RAD51B: variants seen among roughly 807,000 people sequenced by gnomAD.
RAD51B encodes DNA repair protein RAD51 homolog 2.
Under a neutral mutation model 42.2 loss-of-function variants are expected in RAD51B, and 38 were observed. That is an observed-to-expected ratio of 0.90 (90% CI 0.70 to 1.18). The LOEUF (loss-of-function observed/expected upper bound fraction) is 1.18. Among genes scored for constraint, RAD51B ranks in the 50% most tolerant of loss-of-function variants. RAD51B has a pLI of 0.00. For missense variants in RAD51B, 373 were observed against 400.7 expected (o/e 0.93, Z 0.59); for synonymous variants, 154 against 145.2 (o/e 1.06, Z -0.43).
rs184465303 is a variant in RAD51B, at chr14:67,931,065, A to T, written c.756+43861A>T. 8.9e-3 allele frequency among the ~76,000 whole-genome samples: 1,348 copies of T among 151,686 alleles called. 21 individuals are homozygous for T. Among genetic ancestry groups the T allele is most frequent in the African/African-American group, 0.031 (1,269 of 41,414 alleles). On this transcript the variant is annotated intron_variant, in intron 7 of 10. Transcript: ENST00000471583. ...CCTCCCAAGTAGCTGGGACTACAGGAGCCTGCCACCACGCCTGGCTAATTT... is the reference window on the plus strand; with the variant it reads ...CCTCCCAAGTAGCTGGGACTACAGGTGCCTGCCACCACGCCTGGCTAATTT...
chr14:67,926,837 C>T (rs1429458032), intron 7 of RAD51B, among the ~76,000 whole-genome samples: 1 of 152,148 alleles, frequency 6.6e-6, no homozygotes, highest in Non-Finnish European at 1.5e-5. Flanking sequence ...GCTGGAATTA[C>T]AGACGTGAGC....
intron 3 of RAD51B, among the ~76,000 whole-genome samples, chr14:67,832,021 C>A (rs1167936252): frequency 6.6e-6 from 1 of 151,826 alleles, no homozygotes; most frequent in African/African-American, 2.4e-5. Flanking sequence ...GTAAGGATGC[C>A]GACTGAAATA....
chr14:68,054,986 C>G (rs2076451566), intron 7 of RAD51B, among the ~76,000 whole-genome samples: 1 of 152,076 alleles, frequency 6.6e-6, no homozygotes, highest in Admixed American at 6.6e-5. Context: ...GGGGGAAAAT[C>G]CCCACACATT....
At chr14:68,594,260 G>GAAAAGA (rs1890886731) in intron 10 of RAD51B, among the ~76,000 whole-genome samples, 1 of 152,132 alleles carries the variant, frequency 6.6e-6, no homozygotes, top group South Asian at 2.1e-4. Flanking sequence ...AGAGGAAAAG[G>GAAAAGA]AAAAGAGAGA....
At chr14:68,130,075 A>G (rs954986989) in intron 7 of RAD51B, 1 of 152,274 alleles carries the variant, frequency 6.6e-6, no homozygotes, top group African/African-American at 2.4e-5. Context: ...CCTGGAGCTC[A>G]TAGTCCTCTT....
intron 7 of RAD51B, among the ~76,000 whole-genome samples, chr14:68,142,026 C>T (rs961563573): frequency 2.0e-5 from 3 of 152,126 alleles, no homozygotes; most frequent in African/African-American, 7.2e-5. Flanking sequence ...CCTTTAATTT[C>T]CTTATTCCCA....
intron 8 of RAD51B, among the ~76,000 whole-genome samples, chr14:68,329,651 A>C (rs2082309812): frequency 2.0e-5 from 3 of 152,196 alleles, no homozygotes; most frequent in African/African-American, 7.2e-5. Context: ...CATCTTAAAT[A>C]ATCTGAGGAT....
rs1254248379 is a variant in RAD51B, at chr14:68,159,951, AC to A, written c.757-131931del. On this transcript the variant is annotated intron_variant, in intron 7 of 10. Coordinates refer to ENST00000471583, the MANE Select transcript of RAD51B (RefSeq NM_133510.4). ...TTTCAATTTTTAGAGACACAGATCA[AC>A]CTGCTACCCTATACCCACAACAGAA... Among the ~76,000 whole-genome samples the A allele has an allele frequency of 2.6e-5, 4 of 152,282 alleles. No individual in the cohort carries two copies. In the East Asian group the frequency reaches 7.7e-4, roughly 29 times the overall value.
chr14:68,682,410 T>C (rs371473576), intron 11 of RAD51B, among the ~76,000 whole-genome samples: 2 of 152,198 alleles, frequency 1.3e-5, no homozygotes, highest in African/African-American at 4.8e-5. Flanking sequence ...TCCCAAAAGT[T>C]CTCTGGAAAG....
At chr14:68,663,133 T>C (rs1892967052) in intron 11 of RAD51B, among the ~76,000 whole-genome samples, 1 of 152,118 alleles carries the variant, frequency 6.6e-6, no homozygotes, top group African/African-American at 2.4e-5. Context: ...AAATTCTATC[T>C]CTACTAAAAA....
At chr14:67,931,757 C>T (rs1196651539) in intron 7 of RAD51B, among the ~76,000 whole-genome samples, 1 of 152,112 alleles carries the variant, frequency 6.6e-6, no homozygotes, top group Non-Finnish European at 1.5e-5. Flanking sequence ...TCTGCCTTGG[C>T]CTCCCAAAGT....
At position 68,026,824 on chromosome 14, in the gene RAD51B, G is replaced by T. The variant is rs372625381; in HGVS notation, c.756+139620G>T. 2.4e-4 allele frequency among the ~76,000 whole-genome samples: 36 copies of T among 152,172 alleles called. No individual in the cohort carries two copies. The East Asian group carries it at 6.2e-3, about 26-fold the overall frequency. ...CCACTCTGTGTCTTTTACATGGGAT[G>T]TTCAGCTCATTTACATTCACGGTTA... On this transcript the variant is annotated intron_variant, in intron 7 of 10. Transcript: ENST00000471583.
Position 67,860,429 on chromosome 14 carries a change from G to A in RAD51B, c.316-4574G>A, listed in dbSNP as rs191336655. Reference sequence around the variant, plus strand: ...GAGAGAATTTCCTGGGATAACGATAGTGTTTTGACTTTGTAAGAGTTTAGG... The same window carrying A: ...GAGAGAATTTCCTGGGATAACGATAATGTTTTGACTTTGTAAGAGTTTAGG... On this transcript the variant is annotated intron_variant, in intron 4 of 10. Transcript: ENST00000471583. 1.5e-4 allele frequency among the ~76,000 whole-genome samples: 23 copies of A among 152,272 alleles called. No homozygotes were observed. In the East Asian group the frequency reaches 4.2e-3, roughly 28 times the overall value.
At chr14:68,573,459 C>G (rs1889811194) in intron 10 of RAD51B, among the ~76,000 whole-genome samples, 1 of 152,222 alleles carries the variant, frequency 6.6e-6, no homozygotes, top group Admixed American at 6.5e-5. Flanking sequence ...TTAAGGAGAG[C>G]TTTGCTGATG....
Position 68,418,163 on chromosome 14 carries a change from A to G in RAD51B, c.957+6636A>G, listed in dbSNP as rs139875420. Among the ~76,000 whole-genome samples the G allele has an allele frequency of 9.8e-3, 1,492 of 152,362 alleles. 14 individuals are homozygous for G. Among genetic ancestry groups the G allele is most frequent in the Middle Eastern group, 0.017 (5 of 294 alleles). ...TCATTTTTTATCAAATATAGTTACA[A>G]AATTAACCGTTACCACCATTTCAAA... On this transcript the variant is annotated intron_variant, in intron 9 of 10. Transcript: ENST00000471583.
intron 7 of RAD51B, among the ~76,000 whole-genome samples, chr14:68,260,318 T>TGTGTGGAGGGGGGGG (rs1049368684): frequency 7.8e-6 from 1 of 128,044 alleles, no homozygotes; most frequent in African/African-American, 4.9e-5. Context: ...TGTGTGTGTG[T>TGTGTGGAGGGGGGGG]GGAGAGGGGA....
At chr14:67,975,105 C>T (rs966363606) in intron 7 of RAD51B, among the ~76,000 whole-genome samples, 4 of 152,148 alleles carry the variant, frequency 2.6e-5, no homozygotes, top group Non-Finnish European at 5.9e-5. Flanking sequence ...CATTTATTAC[C>T]TAATGGTTTC....
intron 8 of RAD51B, among the ~76,000 whole-genome samples, chr14:68,392,315 C>T (rs969368591): frequency 2.0e-5 from 3 of 152,188 alleles, no homozygotes; most frequent in Non-Finnish European, 4.4e-5. Flanking sequence ...TCTTATGCTT[C>T]GGAAGGCTTG....
chr14:68,227,472 G>C (rs2140975740), intron 7 of RAD51B, among the ~76,000 whole-genome samples: 1 of 152,242 alleles, frequency 6.6e-6, no homozygotes, highest in South Asian at 2.1e-4. Flanking sequence ...CCACCTCAGA[G>C]GGTTGTTATA....
Sources: gnomAD v4.1 joint callset for allele counts (sites outside exome capture counted in the v4.1 genomes callset) on GRCh38, gnomAD v4.1.1 for gene constraint, MANE v1.5 for transcripts, NCBI Gene and HGNC (gene_info 2026-07-23, HGNC 2026-07-21) for gene names.